The following NFATC2 variants were observed in gnomAD, a reference collection of about 807,000 sequenced individuals.
NFATC2 encodes nuclear factor of activated T-cells, cytoplasmic 2.
Under a neutral mutation model 87.3 loss-of-function variants are expected in NFATC2, and 22 were observed. That is an observed-to-expected ratio of 0.25 (90% confidence interval 0.18 to 0.36). The LOEUF (loss-of-function observed/expected upper bound fraction) is 0.36. NFATC2 is among the 10% of genes least tolerant of loss of function. The probability of loss-of-function intolerance (pLI) is 1.00; values close to 1 mark genes in which losing one functional copy is unlikely to be tolerated. For missense variants in NFATC2, 1,149 were observed against 1,259.1 expected (o/e 0.91, Z 1.32); for synonymous variants, 565 against 542.2 (o/e 1.04, Z -0.58).
At chr20:51,454,520 C>T in intron 6 of NFATC2, 28 bp downstream of exon 6, 2 of 1,612,308 alleles carry the variant, frequency 1.2e-6, no homozygotes, top group Non-Finnish European at 1.7e-6. Context: ...TTCTGGGGGA[C>T]AGAGAAAGAG....
chr20:51,505,760 C>T (rs1299598409), intron 3 of NFATC2, among the ~76,000 whole-genome samples: 1 of 152,046 alleles, frequency 6.6e-6, no homozygotes, highest in Non-Finnish European at 1.5e-5. Flanking sequence ...GTCGTGGCAT[C>T]GTTTGAGGAC....
At chr20:51,497,503 C>T (rs930696789) in intron 3 of NFATC2, among the ~76,000 whole-genome samples, 3 of 152,118 alleles carry the variant, frequency 2.0e-5, no homozygotes, top group African/African-American at 4.8e-5. Flanking sequence ...TTGGCTGAAA[C>T]CCCCGGTCCA....
At chr20:51,411,514 GTCTT>G (rs1303848986) in intron 9 of NFATC2, among the ~76,000 whole-genome samples, 4 of 108,970 alleles carry the variant, frequency 3.7e-5, no homozygotes, top group Non-Finnish European at 7.3e-5. Flanking sequence ...CAATGCAATT[GTCTT>G]TTTTTTTTTT....
intron 9 of NFATC2, among the ~76,000 whole-genome samples, chr20:51,418,659 G>GTTTTTTTTT (rs752511466): frequency 8.0e-6 from 1 of 125,112 alleles, no homozygotes. Flanking sequence ...TGTTTGTTTG[G>GTTTTTTTTT]TTTTTTTTTT....
At chr20:51,413,008 C>A (rs1380547793) in intron 9 of NFATC2, among the ~76,000 whole-genome samples, 1 of 124,678 alleles carries the variant, frequency 8.0e-6, no homozygotes, top group Non-Finnish European at 1.7e-5. Context: ...CCCCCCCCCT[C>A]CCCGCCAAAC....
intron 9 of NFATC2, among the ~76,000 whole-genome samples, chr20:51,415,375 T>C (rs1442172663): frequency 6.6e-6 from 1 of 152,216 alleles, no homozygotes; most frequent in Non-Finnish European, 1.5e-5. Flanking sequence ...CCTGCTACTA[T>C]AGACAAGGCT....
chr20:51,493,498 C>G (rs992519720), intron 3 of NFATC2, among the ~76,000 whole-genome samples: 1 of 152,108 alleles, frequency 6.6e-6, no homozygotes, highest in Non-Finnish European at 1.5e-5. Context: ...AGGGAATGTC[C>G]CAGACTGACA....
intron 5 of NFATC2, among the ~76,000 whole-genome samples, chr20:51,467,647 A>C (rs1187074786): frequency 1.3e-5 from 2 of 152,252 alleles, no homozygotes; most frequent in Non-Finnish European, 2.9e-5. Flanking sequence ...AACCACAATG[A>C]GATCCCATTT....
intron 1 of NFATC2, among the ~76,000 whole-genome samples, chr20:51,551,437 T>C (rs2076931665): frequency 6.6e-6 from 1 of 152,106 alleles, no homozygotes; most frequent in Non-Finnish European, 1.5e-5. Flanking sequence ...AGGGTCCCAC[T>C]CAGTCACCCA....
At position 51,432,244 on chromosome 20, in the gene NFATC2, C is replaced by T; in HGVS notation, c.2545G>A (p.Val849Ile). 6.2e-7 allele frequency: 1 copy of T among 1,614,136 alleles called. No individual in the cohort carries two copies. Among genetic ancestry groups the T allele is most frequent in the Non-Finnish European group, 8.5e-7 (1 of 1,180,024 alleles). Residue 849 changes from valine (V) to isoleucine (I), a missense_variant, in exon 9 of 11, where the codon GTC becomes ATC. This residue lies in a region of NFATC2 where 581 missense variants were observed against 649.7 expected (regional missense o/e 0.89). Transcript: ENST00000371564. This position sits in a 1 kb window ranked among gnomAD's most constrained non-coding sequence, Gnocchi z 4.6. ...GGGCTCAGCCTCTGACCTTGACTGA[C>T]CGGGGGCGGGCCAGGTCTGGTGGTG... ...PGTTRPGPPP[V>I]SQGQRLSPGS...
intron 1 of NFATC2, among the ~76,000 whole-genome samples, chr20:51,534,868 G>C (rs1301916704): frequency 6.6e-6 from 1 of 152,122 alleles, no homozygotes; most frequent in African/African-American, 2.4e-5. Flanking sequence ...AAATCATACA[G>C]GATGTATATG....
chr20:51,391,038 C>CT lies in NFATC2; in HGVS notation c.*457dup, dbSNP rs1222279437. 9 of 407,034 alleles carry CT rather than the reference C, an allele frequency of 2.2e-5. No individual in the cohort carries two copies. Among genetic ancestry groups the CT allele is most frequent in the Non-Finnish European group, 3.7e-5 (8 of 213,484 alleles). 25.2% of individuals were successfully genotyped at this position (407,034 alleles called of 1,614,324 possible). ...TGGGGTTTAATCACAGTGCCCACAT[C>CT]TTCTGTCCCCCGTCCATCCCCCCAA... On this transcript the variant is annotated 3_prime_UTR_variant, in exon 11 of 11. Transcript: ENST00000371564.
At chr20:51,418,364 T>G (rs1980336176) in intron 9 of NFATC2, among the ~76,000 whole-genome samples, 1 of 152,248 alleles carries the variant, frequency 6.6e-6, no homozygotes, top group Non-Finnish European at 1.5e-5. Flanking sequence ...CAGACATTTC[T>G]GATGGCCACA....
At chr20:51,499,066 G>A (rs2076037004) in intron 3 of NFATC2, among the ~76,000 whole-genome samples, 1 of 152,152 alleles carries the variant, frequency 6.6e-6, no homozygotes, top group Non-Finnish European at 1.5e-5. Context: ...GGCAGGCAGG[G>A]ACCGGGTGAC....
chr20:51,540,647 G>GTTTTTTTT lies in NFATC2; in HGVS notation c.130+1715_130+1722dup, dbSNP rs375172598. Among the ~76,000 whole-genome samples, 62 of 112,928 alleles carry GTTTTTTTT rather than the reference G, an allele frequency of 5.5e-4. 5 individuals are homozygous for GTTTTTTTT. The highest frequency in any genetic ancestry group is 4.6e-3 in the Middle Eastern group (1 of 216). The allele number at this position is 112,928 out of a possible 152,430, so 74.1% of individuals were successfully genotyped here. A position where few individuals can be genotyped will look rare whatever the true frequency, so the allele number is the denominator to read the frequency against. ...ATCTGAAACTGTTCCAAAAACTGAAGTTTTTTTTTTGTTTTTTTTTTTTTG... is the reference window on the plus strand; with the variant it reads ...ATCTGAAACTGTTCCAAAAACTGAAGTTTTTTTTTTTTTTTTTTGTTTTTTTTTTTTTG... On this transcript the variant is annotated intron_variant, in intron 1 of 10. Coordinates refer to ENST00000371564, the MANE Select transcript of NFATC2 (RefSeq NM_012340.5).
intron 5 of NFATC2, among the ~76,000 whole-genome samples, chr20:51,470,551 G>C (rs182965171): frequency 6.6e-4 from 100 of 152,264 alleles, no homozygotes; most frequent in Admixed American, 6.0e-3. Context: ...TACATAAAAG[G>C]CATCTCCAAA....
chr20:51,546,610 TAGTGAAGCC>T (rs2076891757), upstream of NFATC2, among the ~76,000 whole-genome samples: 1 of 152,148 alleles, frequency 6.6e-6, no homozygotes, highest in Non-Finnish European at 1.5e-5. Flanking sequence ...AACAGAAAGC[TAGTGAAGCC>T]ACTGAGACTT....
intron 3 of NFATC2, among the ~76,000 whole-genome samples, chr20:51,512,697 G>A (rs945549327): frequency 1.4e-4 from 21 of 152,158 alleles, no homozygotes; most frequent in African/African-American, 5.1e-4. Context: ...TTTATATAAA[G>A]AGGAGCTTAA....
Position 51,471,199 on chromosome 20 carries a change from C to T in NFATC2, c.1708+2781G>A, listed in dbSNP as rs1374907727. 3.3e-5 allele frequency among the ~76,000 whole-genome samples: 5 copies of T among 152,280 alleles called. No homozygotes were observed. In the East Asian group the frequency reaches 5.8e-4, roughly 18 times the overall value. On this transcript the variant is annotated intron_variant, in intron 5 of 10. Transcript: ENST00000371564. ...TCTTAGATCGACATAAGATAAGTTGCCTTGAGAAACCCAAAGAGAGGGAGG... is the reference window on the plus strand; with the variant it reads ...TCTTAGATCGACATAAGATAAGTTGTCTTGAGAAACCCAAAGAGAGGGAGG...
Sources: gnomAD v4.1 joint callset for allele counts (sites outside exome capture counted in the v4.1 genomes callset) on GRCh38, gnomAD v4.1.1 for gene constraint, gnomAD v4.1.1 regional missense constraint, Gnocchi (gnomAD v3.1) non-coding constraint, MANE v1.5 for transcripts, NCBI Gene and HGNC (gene_info 2026-07-23, HGNC 2026-07-21) for gene names.